Variants in PLCE1 observed in about 807,000 individuals in gnomAD.
PLCE1 encodes phospholipase C epsilon 1, also known as 1-phosphatidylinositol 4,5-bisphosphate phosphodiesterase epsilon-1.
In PLCE1, 119 loss-of-function variants were observed where a neutral mutation model predicts 242.8. The ratio of observed to expected loss-of-function variants is 0.49; its 90% CI spans 0.42 to 0.57. The LOEUF (loss-of-function observed/expected upper bound fraction) is 0.57. Ranked by LOEUF, PLCE1 falls within the 20% of genes least tolerant of loss-of-function variation. The pLI, the probability that PLCE1 is intolerant of heterozygous loss-of-function variation, is 0.00. For synonymous variants in PLCE1, 945 were observed against 1,017.4 expected, an observed-to-expected ratio of 0.93 and a Z score of 1.35; for missense variants, 2,441 against 2,788.8, an observed-to-expected ratio of 0.88 and a Z score of 2.81.
Position 94,328,482 on chromosome 10 carries a change from C to T in PLCE1, c.*539C>T, listed in dbSNP as rs1332664841. Reference sequence around the variant, plus strand: ...AAAAACTTAAAAACTATTCTTAATTCAGGGGCCATACAAAAACAGGTGGCA... The same window carrying T: ...AAAAACTTAAAAACTATTCTTAATTTAGGGGCCATACAAAAACAGGTGGCA... On this transcript the variant is annotated 3_prime_UTR_variant, in exon 33 of 33. Coordinates refer to ENST00000371380, the MANE Select transcript of PLCE1 (RefSeq NM_016341.4). 1 of 152,302 alleles carries T rather than the reference C, an allele frequency of 6.6e-6. No homozygotes were observed. The highest frequency in any genetic ancestry group is 1.5e-5 in the Non-Finnish European group (1 of 68,198). The allele number at this position is 152,302 out of a possible 1,614,324, so 9.4% of individuals were successfully genotyped here. A position where few individuals can be genotyped will look rare whatever the true frequency, so the allele number is the denominator to read the frequency against.
chr10:94,222,897 C>T (rs1023946586), intron 4 of PLCE1, among the ~76,000 whole-genome samples: 5 of 152,142 alleles, frequency 3.3e-5, no homozygotes, highest in African/African-American at 9.7e-5. Flanking sequence ...ATTTGGGAAG[C>T]GTGGGTTTAC....
intron 13 of PLCE1, 38 bp downstream of exon 13, chr10:94,259,188 T>G (rs749833318): frequency 6.2e-7 from 1 of 1,610,068 alleles, no homozygotes; most frequent in Non-Finnish European, 8.5e-7. Context: ...TTGGGATCAA[T>G]CTGTCTAAAA....
At chr10:94,227,701 C>T (rs1267587954) in intron 5 of PLCE1, among the ~76,000 whole-genome samples, 3 of 152,196 alleles carry the variant, frequency 2.0e-5, no homozygotes, top group Non-Finnish European at 2.9e-5. Flanking sequence ...CTTTGCCAAG[C>T]CAAGTGAAAT....
At chr10:94,246,746 CT>C in intron 8 of PLCE1, 125 bp downstream of exon 8, 1 of 826,340 alleles carries the variant, frequency 1.2e-6, no homozygotes, top group Non-Finnish European at 2.0e-6. Flanking sequence ...CCTTGGGCAG[CT>C]TTTACTTAAC....
At chr10:94,308,841 G>T (rs935258647) in intron 27 of PLCE1, 142 bp downstream of exon 27, 1 of 754,746 alleles carries the variant, frequency 1.3e-6, no homozygotes, top group African/African-American at 1.7e-5. Flanking sequence ...CTGACACTTG[G>T]CACTGACTAA....
chr10:94,012,636 C>A (rs2061192955), intron 1 of PLCE1, among the ~76,000 whole-genome samples: 2 of 152,150 alleles, frequency 1.3e-5, no homozygotes, highest in South Asian at 4.1e-4. Context: ...TCAGTGCTGA[C>A]AGAGGTGCTG....
At chr10:94,260,487 A>C (rs1354314836) in intron 13 of PLCE1, among the ~76,000 whole-genome samples, 1 of 152,158 alleles carries the variant, frequency 6.6e-6, no homozygotes, top group Non-Finnish European at 1.5e-5. Context: ...ATTATTTATA[A>C]GTTTATGTTG....
At chr10:94,178,496 CA>C (rs932029770) in intron 4 of PLCE1, among the ~76,000 whole-genome samples, 3 of 152,216 alleles carry the variant, frequency 2.0e-5, no homozygotes, top group African/African-American at 7.2e-5. Flanking sequence ...CCCAAAGTGA[CA>C]ATCAGTTGTT....
At chr10:94,183,300 C>T (rs1369094108) in intron 4 of PLCE1, among the ~76,000 whole-genome samples, 2 of 152,134 alleles carry the variant, frequency 1.3e-5, no homozygotes, top group African/African-American at 2.4e-5. Flanking sequence ...TTTTGTTCAA[C>T]AAGATTTCAG....
chr10:94,099,359 A>G (rs1447803888), intron 2 of PLCE1, among the ~76,000 whole-genome samples: 1 of 152,180 alleles, frequency 6.6e-6, no homozygotes, highest in East Asian at 1.9e-4. Context: ...TCAGTACTTC[A>G]TACACATTAC....
At chr10:94,322,750 G>A (rs1441732292) in intron 30 of PLCE1, among the ~76,000 whole-genome samples, 10 of 151,348 alleles carry the variant, frequency 6.6e-5, no homozygotes, top group African/African-American at 1.2e-4. Context: ...ATGCCATTGC[G>A]CGTCAGCCTG....
At position 94,309,339 on chromosome 10, in the gene PLCE1, G is replaced by C. The variant is rs185387115; in HGVS notation, c.6003+640G>C. Among the ~76,000 whole-genome samples, 38 of 151,736 alleles carry C rather than the reference G, an allele frequency of 2.5e-4. No homozygotes were observed. In the East Asian group the frequency reaches 5.1e-3, roughly 20 times the overall value. On this transcript the variant is annotated intron_variant, in intron 27 of 32. Transcript: ENST00000371380. ...CTGCTTTTTTTTTTTTCCAGAGACA[G>C]TGTGTCTCTGTCACCCAGTGTCACT...
intron 4 of PLCE1, among the ~76,000 whole-genome samples, chr10:94,215,784 A>G (rs2049502349): frequency 6.6e-6 from 1 of 152,204 alleles, no homozygotes; most frequent in Non-Finnish European, 1.5e-5. Context: ...AGAGCAAGGC[A>G]TGGTAGCACA....
chr10:94,116,411 A>T (rs1012007024), intron 2 of PLCE1, among the ~76,000 whole-genome samples: 3 of 152,180 alleles, frequency 2.0e-5, no homozygotes, highest in Admixed American at 1.3e-4. Flanking sequence ...ATTTTTAGGA[A>T]TGGCAGGGCA....
chr10:94,041,114 C>G (rs2061758816), intron 2 of PLCE1, among the ~76,000 whole-genome samples: 2 of 152,068 alleles, frequency 1.3e-5, no homozygotes, highest in Non-Finnish European at 2.9e-5. Flanking sequence ...CAGGCCTGAG[C>G]TTAGTTTCAC....
At position 94,085,186 on chromosome 10, in the gene PLCE1, G is replaced by A. The variant is rs1255280189; in HGVS notation, c.1207-46988G>A. Among the ~76,000 whole-genome samples, 4 of 152,084 alleles carry A rather than the reference G, an allele frequency of 2.6e-5. No individual in the cohort carries two copies. In the East Asian group the frequency reaches 5.8e-4, roughly 22 times the overall value. ...TATTATTGTATTTATTTAAACATGA[G>A]GACAGGCAGGATTTGGGGGGACATT... On this transcript the variant is annotated intron_variant, in intron 2 of 32. Transcript: ENST00000371380.
At chr10:94,060,775 C>A (rs2044032882) in intron 2 of PLCE1, among the ~76,000 whole-genome samples, 2 of 151,386 alleles carry the variant, frequency 1.3e-5, no homozygotes. Flanking sequence ...AAGCTCACTG[C>A]AGCCTCAACC....
chr10:94,024,161 G>A (rs538382873), intron 1 of PLCE1, among the ~76,000 whole-genome samples: 1 of 152,286 alleles, frequency 6.6e-6, no homozygotes, highest in South Asian at 2.1e-4. Context: ...GATTGCTTAG[G>A]CAAAATGTTT....
At chr10:94,018,005 T>C (rs994615116) in intron 1 of PLCE1, among the ~76,000 whole-genome samples, 23 of 152,224 alleles carry the variant, frequency 1.5e-4, no homozygotes, top group African/African-American at 4.1e-4. Flanking sequence ...TTTATGTTTA[T>C]CTCGTCCAGA....
Sources: allele counts gnomAD v4.1 joint callset (sites outside exome capture counted in the v4.1 genomes callset), GRCh38; gene constraint gnomAD v4.1.1; transcripts MANE v1.5; gene names NCBI Gene and HGNC (gene_info 2026-07-23, HGNC 2026-07-21).